The following RBMS1 variants were observed in gnomAD, a reference collection of about 807,000 sequenced individuals.
RBMS1 encodes RNA binding motif single stranded interacting protein 1, also known as RNA-binding motif, single-stranded-interacting protein 1.
In RBMS1, 17 loss-of-function variants were observed where a neutral mutation model predicts 62.3. That is an observed-to-expected ratio of 0.27 (90% CI 0.19 to 0.41). The LOEUF (loss-of-function observed/expected upper bound fraction) is 0.41. Ranked by LOEUF, RBMS1 falls within the 10% of genes least tolerant of loss-of-function variation. The probability of loss-of-function intolerance (pLI) is 1.00; values close to 1 mark genes in which losing one functional copy is unlikely to be tolerated. For missense variants in RBMS1, 334 were observed against 504.5 expected (o/e 0.66, Z 3.24); for synonymous variants, 172 against 170.0 (o/e 1.01, Z -0.09).
intron 3 of RBMS1, among the ~76,000 whole-genome samples, chr2:160,314,335 T>G (rs1690095100): frequency 6.6e-6 from 1 of 152,134 alleles, no homozygotes; most frequent in Non-Finnish European, 1.5e-5. Flanking sequence ...ACCAGAGCCT[T>G]CCATGGAACT....
At chr2:160,415,406 G>C (rs1321918210) in intron 1 of RBMS1, among the ~76,000 whole-genome samples, 1 of 152,028 alleles carries the variant, frequency 6.6e-6, no homozygotes, top group Non-Finnish European at 1.5e-5. Flanking sequence ...AGGAAGGAAG[G>C]AATGGGTGTG....
At chr2:160,369,663 GAGACTTGGAGAAGTC>G (rs1693613514) in intron 1 of RBMS1, among the ~76,000 whole-genome samples, 1 of 152,312 alleles carries the variant, frequency 6.6e-6, no homozygotes, top group Non-Finnish European at 1.5e-5. Flanking sequence ...CATCTGGGAT[GAGACTTGGAGAAGTC>G]AGTAAGAAGC....
chr2:160,335,024 T>C (rs1466442882), intron 2 of RBMS1, among the ~76,000 whole-genome samples: 3 of 151,812 alleles, frequency 2.0e-5, no homozygotes, highest in Admixed American at 1.3e-4. Flanking sequence ...GTAATGAGGA[T>C]TAAAATCTGT....
At chr2:160,367,872 A>G (rs1470408519) in intron 1 of RBMS1, among the ~76,000 whole-genome samples, 1 of 152,226 alleles carries the variant, frequency 6.6e-6, no homozygotes, top group East Asian at 1.9e-4. Context: ...ATACTCCAAT[A>G]AGGACGATCT....
intron 2 of RBMS1, among the ~76,000 whole-genome samples, chr2:160,342,242 T>C (rs1249961032): frequency 6.6e-6 from 1 of 152,190 alleles, no homozygotes; most frequent in Non-Finnish European, 1.5e-5. Context: ...CTTGTGTTCC[T>C]TACAGTAACT....
chr2:160,439,464 G>A (rs571104221), intron 1 of RBMS1, among the ~76,000 whole-genome samples: 15 of 151,500 alleles, frequency 9.9e-5, no homozygotes, highest in Non-Finnish European at 1.6e-4. Context: ...ATGGGCAGCC[G>A]GGCAGAGACG....
intron 1 of RBMS1, among the ~76,000 whole-genome samples, chr2:160,379,578 G>C (rs556143547): frequency 6.6e-6 from 1 of 152,166 alleles, no homozygotes; most frequent in South Asian, 2.1e-4. Flanking sequence ...GAAGTAGAAC[G>C]TCATTCTGTG....
At chr2:160,424,216 A>AC (rs1353682164) in intron 1 of RBMS1, among the ~76,000 whole-genome samples, 14 of 151,746 alleles carry the variant, frequency 9.2e-5, no homozygotes, top group African/African-American at 3.1e-4. Context: ...GACAGGTTTC[A>AC]CCATGTTGGC....
At chr2:160,421,125 C>T (rs1696405099) in intron 1 of RBMS1, among the ~76,000 whole-genome samples, 1 of 151,990 alleles carries the variant, frequency 6.6e-6, no homozygotes, top group Non-Finnish European at 1.5e-5. Context: ...TTGAGATCCA[C>T]TCTAACTTAT....
At position 160,349,046 on chromosome 2, in the gene RBMS1, G is replaced by A. The variant is rs192506066; in HGVS notation, c.251+18170C>T. ...CCTTTTTTGGATCACAGAGCAGAAA[G>A]GAATCTGCCAAGAGTTTCAAATAGC... On this transcript the variant is annotated intron_variant, in intron 2 of 13. Transcript: ENST00000348849. 2.4e-3 allele frequency among the ~76,000 whole-genome samples: 364 copies of A among 152,236 alleles called. 2 individuals carry two copies. Among genetic ancestry groups the A allele is most frequent in the Non-Finnish European group, 1.6e-3 (112 of 67,986 alleles).
chr2:160,419,727 A>G (rs1226028822), intron 1 of RBMS1, among the ~76,000 whole-genome samples: 1 of 152,230 alleles, frequency 6.6e-6, no homozygotes, highest in Non-Finnish European at 1.5e-5. Flanking sequence ...AAGTGACTAC[A>G]TAGCCGGTTA....
chr2:160,287,007 T>C lies in RBMS1; in HGVS notation c.718A>G (p.Asn240Asp). 1.2e-6 allele frequency: 2 copies of C among 1,613,434 alleles called. No homozygotes were observed. The highest frequency in any genetic ancestry group is 1.7e-6 in the Non-Finnish European group (2 of 1,179,942). ...KRQNPNKYIP[N>D]GRPWHREGEV... ...CCTTCTCTATGCCATGGTCTTCCATTAGGGATGTATTTGTTTGGGTTCTGT... is the reference window on the plus strand; with the variant it reads ...CCTTCTCTATGCCATGGTCTTCCATCAGGGATGTATTTGTTTGGGTTCTGT... Residue 240 changes from asparagine to aspartate, a missense_variant, in exon 7 of 14, where the codon AAT becomes GAT. Physicochemically the swap from Asn to Asp is conservative, Grantham distance 23. Transcript: ENST00000348849.
chr2:160,397,956 C>G (rs1012564969), intron 1 of RBMS1, among the ~76,000 whole-genome samples: 1 of 152,128 alleles, frequency 6.6e-6, no homozygotes, highest in Non-Finnish European at 1.5e-5. Flanking sequence ...CTGTGCTCCC[C>G]GAAGTCTGTC....
intron 4 of RBMS1, among the ~76,000 whole-genome samples, chr2:160,308,850 A>G (rs897020768): frequency 4.6e-5 from 7 of 152,330 alleles, no homozygotes; most frequent in African/African-American, 1.7e-4. Flanking sequence ...GCCAATATAT[A>G]CCCAGTCCAG....
intron 2 of RBMS1, among the ~76,000 whole-genome samples, chr2:160,341,495 G>A (rs1474573268): frequency 6.6e-6 from 1 of 152,070 alleles, no homozygotes; most frequent in Non-Finnish European, 1.5e-5. Flanking sequence ...CTCCCTCTTG[G>A]TAGCCCAAAA....
chr2:160,277,572 G>A, intron 11 of RBMS1, 189 bp from the exon 12 acceptor site: 1 of 409,840 alleles, frequency 2.4e-6, no homozygotes, highest in South Asian at 7.9e-5. Flanking sequence ...TCTACTTTTT[G>A]AATCTGCTAA....
intron 1 of RBMS1, among the ~76,000 whole-genome samples, chr2:160,492,417 T>A: frequency 6.6e-6 from 1 of 152,212 alleles, no homozygotes; most frequent in East Asian, 1.9e-4. Flanking sequence ...AGGCGCAATT[T>A]GTATGGCTAC....
intron 1 of RBMS1, among the ~76,000 whole-genome samples, chr2:160,427,103 G>C (rs1472259683): frequency 6.6e-6 from 1 of 152,146 alleles, no homozygotes; most frequent in Non-Finnish European, 1.5e-5. Flanking sequence ...TCATTGTTTA[G>C]ATGACAAAAT....
intron 2 of RBMS1, among the ~76,000 whole-genome samples, chr2:160,322,946 C>A (rs545889949): frequency 6.6e-6 from 1 of 152,098 alleles, no homozygotes; most frequent in East Asian, 1.9e-4. Context: ...ACCTCAGGGA[C>A]TGGGATAAGG....
Sources: allele counts gnomAD v4.1 joint callset (sites outside exome capture counted in the v4.1 genomes callset), GRCh38; gene constraint gnomAD v4.1.1; transcripts MANE v1.5; gene names NCBI Gene and HGNC (gene_info 2026-07-23, HGNC 2026-07-21).